The following CHST15 variants were observed in gnomAD, a reference collection of about 807,000 sequenced individuals.
The protein encoded by CHST15 is B cell RAG associated protein (GALNAC4S-6ST).
In CHST15, 30 loss-of-function variants were observed where a neutral mutation model predicts 53.6. That is an observed-to-expected ratio of 0.56 (90% confidence interval 0.42 to 0.76). CHST15 has a LOEUF of 0.76. Among genes scored for constraint, CHST15 ranks in the 30% least tolerant of loss-of-function variants. The probability of loss-of-function intolerance (pLI) is 0.00; values close to 1 mark genes in which losing one functional copy is unlikely to be tolerated. For missense variants in CHST15, 627 were observed against 740.5 expected, an observed-to-expected ratio of 0.85 and a Z score of 1.78; for synonymous variants, 296 against 289.8, an observed-to-expected ratio of 1.02 and a Z score of -0.22.
At chr10:124,053,437 G>A (rs567567897) in intron 1 of CHST15, among the ~76,000 whole-genome samples, 4 of 152,172 alleles carry the variant, frequency 2.6e-5, no homozygotes, top group South Asian at 4.2e-4. Flanking sequence ...GCCAATACCC[G>A]CTGGATCCCA....
At position 124,010,184 on chromosome 10, in the gene CHST15, G is replaced by C. The variant is rs754974252; in HGVS notation, c.1651C>G (p.Leu551Val). Residue 551 changes from leucine (L) to valine (V), a missense_variant, in exon 8 of 8, where the codon CTC becomes GTC. Transcript: ENST00000435907. Reference protein sequence around the residue: ...RPFNARLAQVLADEAFAWKTT With the variant: ...RPFNARLAQVVADEAFAWKTT ...TTCCACGCAAACGCCTCATCCGCGAGGACCTGCGCCAGCCTAGCGTTGAAG... is the reference window on the plus strand; with the variant it reads ...TTCCACGCAAACGCCTCATCCGCGACGACCTGCGCCAGCCTAGCGTTGAAG... 3.1e-6 allele frequency: 5 copies of C among 1,613,594 alleles called. No homozygotes were observed. In the African/African-American group the frequency reaches 5.3e-5, roughly 17 times the overall value.
intron 1 of CHST15, among the ~76,000 whole-genome samples, chr10:124,073,470 CTG>C (rs967771591): frequency 7.2e-5 from 11 of 152,188 alleles, no homozygotes; most frequent in Non-Finnish European, 1.6e-4. Flanking sequence ...GTCTGTATAC[CTG>C]ATCTAGGTAC....
In CHST15 at chr10:124,021,243, G is replaced by GC. The variant is rs773035786; in HGVS notation, c.1347+12_1347+13insG. 6 of 1,541,850 alleles carry GC rather than the reference G, an allele frequency of 3.9e-6. No individual in the cohort carries two copies. Among genetic ancestry groups the GC allele is most frequent in the African/African-American group, 1.4e-5 (1 of 71,378 alleles). On this transcript the variant is annotated intron_variant, in intron 6 of 7. Coordinates refer to ENST00000435907, the MANE Select transcript of CHST15 (RefSeq NM_001270764.2). ...GGGCCAGCTCGGGGGGTACGGGGGG[G>GC]GGGGGTACACACAGGCATGGCGTTG...
intron 3 of CHST15, 57 bp downstream of exon 3, chr10:124,044,523 A>G (rs1331354893): frequency 2.2e-6 from 3 of 1,364,474 alleles, no homozygotes; most frequent in Non-Finnish European, 1.9e-6. Flanking sequence ...ACGTTGCGGG[A>G]GGAATGAACG....
chr10:124,042,461 G>T lies in CHST15; in HGVS notation c.887-14C>A, dbSNP rs369833811. On this transcript the variant is annotated splice_polypyrimidine_tract_variant and intron_variant, in intron 3 of 7. Transcript: ENST00000435907. Reference sequence around the variant, plus strand: ...GGCGGACGATTCCTATGAGAACCAAGAAGCAGGAGATACTGAGGACAAAGT... The same window carrying T: ...GGCGGACGATTCCTATGAGAACCAATAAGCAGGAGATACTGAGGACAAAGT... 1 of 1,612,532 alleles carries T rather than the reference G, an allele frequency of 6.2e-7. No individual in the cohort carries two copies. Among genetic ancestry groups the T allele is most frequent in the Non-Finnish European group, 8.5e-7 (1 of 1,178,666 alleles).
intron 1 of CHST15, among the ~76,000 whole-genome samples, chr10:124,091,619 C>A (rs1949601881): frequency 6.6e-6 from 1 of 152,268 alleles, no homozygotes; most frequent in Non-Finnish European, 1.5e-5. Flanking sequence ...CACTGACCGG[C>A]TTGTCACATC....
chr10:124,070,923 C>T (rs942433114), intron 1 of CHST15, among the ~76,000 whole-genome samples: 5 of 152,318 alleles, frequency 3.3e-5, no homozygotes, highest in East Asian at 1.9e-4. Context: ...CTGCCCTTCA[C>T]GGCACTGTCT....
intron 1 of CHST15, among the ~76,000 whole-genome samples, chr10:124,054,744 G>C (rs1462879563): frequency 6.6e-6 from 1 of 152,164 alleles, no homozygotes; most frequent in East Asian, 1.9e-4. Flanking sequence ...AATGATCTCA[G>C]TCTCCTACTG....
chr10:124,023,485 C>CAAAA (rs144190606), intron 5 of CHST15, among the ~76,000 whole-genome samples: 1 of 135,172 alleles, frequency 7.4e-6, no homozygotes. Flanking sequence ...GAACCTCTCT[C>CAAAA]AAAAAAAAAA....
intron 5 of CHST15, among the ~76,000 whole-genome samples, chr10:124,027,490 C>G (rs1172041099): frequency 6.6e-6 from 1 of 152,230 alleles, no homozygotes; most frequent in Non-Finnish European, 1.5e-5. Flanking sequence ...GCGTGCTGTT[C>G]TGAGCCAGCG....
intron 1 of CHST15, 50 bp downstream of exon 1, chr10:124,093,419 A>C (rs753979003): frequency 2.0e-5 from 3 of 151,824 alleles, no homozygotes; most frequent in African/African-American, 7.3e-5. Context: ...CAGACCTCCT[A>C]CCGCCGCTCC....
chr10:124,086,204 GACA>G (rs1387281451), intron 1 of CHST15, among the ~76,000 whole-genome samples: 2 of 152,238 alleles, frequency 1.3e-5, no homozygotes, highest in Non-Finnish European at 2.9e-5. Context: ...TCCTACAGCA[GACA>G]ACAACACCGA....
chr10:124,010,883 C>G (rs1946393759), intron 7 of CHST15: 21 of 985,318 alleles, frequency 2.1e-5, no homozygotes, highest in Non-Finnish European at 2.4e-5. Context: ...GTGCCCAGAG[C>G]CCCCACTGGC....
intron 1 of CHST15, among the ~76,000 whole-genome samples, chr10:124,073,534 G>C (rs1948984122): frequency 6.6e-6 from 1 of 152,184 alleles, no homozygotes; most frequent in Non-Finnish European, 1.5e-5. Flanking sequence ...AGCACACTTA[G>C]GATAGATGCT....
chr10:124,042,569 G>C (rs914205381), intron 3 of CHST15, 122 bp from the exon 4 acceptor site: 2 of 1,117,056 alleles, frequency 1.8e-6, no homozygotes, highest in Non-Finnish European at 2.5e-6. Context: ...AGCAGCAAGA[G>C]GCTCAGCCCA....
At position 124,046,266 on chromosome 10, in the gene CHST15, A is replaced by C; in HGVS notation, c.-54T>G. 1 of 1,509,472 alleles carries C rather than the reference A, an allele frequency of 6.6e-7. No homozygotes were observed. Among genetic ancestry groups the C allele is most frequent in the Non-Finnish European group, 8.9e-7 (1 of 1,124,120 alleles). The allele number at this position is 1,509,472 out of a possible 1,614,324, so 93.5% of individuals were successfully genotyped here. ...TTACCGAGCCATGGGTGGGCCCCCC[A>C]CGAGTCTGGATGTCCGCAAGTCGTG... is the stretch of plus-strand genomic sequence containing the variant. On this transcript the variant is annotated 5_prime_UTR_variant, in exon 2 of 8. Transcript: ENST00000435907.
chr10:124,081,375 C>T (rs1407908223), intron 1 of CHST15, among the ~76,000 whole-genome samples: 2 of 151,620 alleles, frequency 1.3e-5, no homozygotes, highest in Admixed American at 1.3e-4. Flanking sequence ...CACACATGCA[C>T]GCATGCACAC....
chr10:124,090,482 G>T (rs1342533686), intron 1 of CHST15, among the ~76,000 whole-genome samples: 1 of 152,140 alleles, frequency 6.6e-6, no homozygotes, highest in Non-Finnish European at 1.5e-5. Flanking sequence ...AGACTCCTGG[G>T]GCCCAGCTAG....
chr10:124,042,775 T>G (rs1947792552), intron 3 of CHST15, among the ~76,000 whole-genome samples: 1 of 152,120 alleles, frequency 6.6e-6, no homozygotes, highest in Admixed American at 6.5e-5. Context: ...GCTGGTTAAC[T>G]TGTGCACAGG....
Sources: allele counts gnomAD v4.1 joint callset (sites outside exome capture counted in the v4.1 genomes callset), GRCh38; gene constraint gnomAD v4.1.1; transcripts MANE v1.5; gene names NCBI Gene and HGNC (gene_info 2026-07-23, HGNC 2026-07-21).